The following COP1 variants were observed in gnomAD, a reference collection of about 807,000 sequenced individuals.
The protein encoded by COP1 is E3 ubiquitin-protein ligase COP1.
A neutral mutation model predicts 101.3 loss-of-function variants in COP1; 24 were observed. The ratio of observed to expected loss-of-function variants is 0.24; its 90% CI spans 0.17 to 0.33. The LOEUF (loss-of-function observed/expected upper bound fraction) is 0.33. Among genes scored for constraint, COP1 ranks in the 10% least tolerant of loss-of-function variants. The pLI, the probability that COP1 is intolerant of heterozygous loss-of-function variation, is 1.00. For synonymous variants in COP1, 347 were observed against 341.9 expected, an observed-to-expected ratio of 1.01 and a Z score of -0.17; for missense variants, 663 against 906.2, an observed-to-expected ratio of 0.73 and a Z score of 3.45.
At chr1:176,016,391 A>G (rs1571694189) in intron 15 of COP1, among the ~76,000 whole-genome samples, 1 of 152,358 alleles carries the variant, frequency 6.6e-6, no homozygotes, top group Non-Finnish European at 1.5e-5. Context: ...GTGAGTGGTC[A>G]ACAGTGTTGA....
intron 14 of COP1, among the ~76,000 whole-genome samples, chr1:176,037,509 C>CA (rs1409719756): frequency 6.8e-6 from 1 of 146,528 alleles, no homozygotes. Flanking sequence ...CGAAAAATTA[C>CA]AAAAACAGAA....
At chr1:176,143,146 A>AGAGAGAGAGAGAGAGAGAG (rs1553286862) in intron 6 of COP1, among the ~76,000 whole-genome samples, 5 of 66,562 alleles carry the variant, frequency 7.5e-5, no homozygotes, top group African/African-American at 1.9e-4. Context: ...GAGCGAGAGA[A>AGAGAGAGAGAGAGAGAGAG]AGAGAGAGAG....
intron 8 of COP1, among the ~76,000 whole-genome samples, chr1:176,117,669 C>A (rs904252651): frequency 2.0e-5 from 3 of 152,042 alleles, no homozygotes; most frequent in Admixed American, 1.3e-4. Flanking sequence ...CCAAGGCGGG[C>A]GGATCACCTG....
intron 15 of COP1, among the ~76,000 whole-genome samples, chr1:175,999,560 C>T (rs148112704): frequency 1.1e-4 from 16 of 151,986 alleles, no homozygotes; most frequent in Admixed American, 2.0e-4. Context: ...CGAACAGTGC[C>T]GCAAAAAACA....
At chr1:176,068,591 G>A (rs1393571659) in intron 11 of COP1, among the ~76,000 whole-genome samples, 1 of 152,102 alleles carries the variant, frequency 6.6e-6, no homozygotes, top group Non-Finnish European at 1.5e-5. Context: ...ATGATTAATT[G>A]AGCCTATTTC....
chr1:176,106,799 C>T (rs867686660), intron 9 of COP1, among the ~76,000 whole-genome samples: 1 of 152,178 alleles, frequency 6.6e-6, no homozygotes, highest in Admixed American at 6.5e-5. Context: ...TACTTTATCG[C>T]AATTCCTCTG....
At chr1:176,094,583 G>T (rs1390524435) in intron 9 of COP1, among the ~76,000 whole-genome samples, 1 of 148,780 alleles carries the variant, frequency 6.7e-6, no homozygotes, top group Non-Finnish European at 1.5e-5. Flanking sequence ...TGGTTCTAAA[G>T]AAAAATGATC....
intron 8 of COP1, chr1:176,133,738 CA>C (rs941600437): frequency 6.5e-5 from 24 of 370,562 alleles, no homozygotes; most frequent in Non-Finnish European, 1.1e-4. Context: ...ACAATATATA[CA>C]AAAAAAATTT....
At chr1:175,953,765 A>T (rs923543699) in intron 18 of COP1, among the ~76,000 whole-genome samples, 50 of 69,932 alleles carry the variant, frequency 7.1e-4, no homozygotes, top group Admixed American at 4.0e-3. Context: ...GTCAACTTAT[A>T]AAAAAAAAAA....
chr1:175,971,584 T>G (rs1481845866), intron 18 of COP1, among the ~76,000 whole-genome samples: 1 of 151,966 alleles, frequency 6.6e-6, no homozygotes, highest in Non-Finnish European at 1.5e-5. Flanking sequence ...CACAGACCTA[T>G]TCTGTGTACT....
intron 4 of COP1, 84 bp downstream of exon 4, chr1:176,163,731 A>G: frequency 1.2e-6 from 1 of 847,704 alleles, no homozygotes; most frequent in Non-Finnish European, 1.8e-6. Context: ...ATAATATACT[A>G]AACTTTAACA....
intron 2 of COP1, among the ~76,000 whole-genome samples, chr1:176,177,893 T>C (rs910903492): frequency 6.6e-6 from 1 of 152,204 alleles, no homozygotes; most frequent in African/African-American, 2.4e-5. Flanking sequence ...AGGAGGAAGG[T>C]GTGAAGAATC....
chr1:176,024,015 T>G (rs548305463), intron 15 of COP1, among the ~76,000 whole-genome samples: 114 of 152,206 alleles, frequency 7.5e-4, no homozygotes, highest in Middle Eastern at 3.4e-3. Context: ...CCAAGCACTT[T>G]GGGAGGCCGA....
intron 9 of COP1, among the ~76,000 whole-genome samples, chr1:176,086,488 A>C (rs1205975459): frequency 6.6e-6 from 1 of 152,110 alleles, no homozygotes; most frequent in African/African-American, 2.4e-5. Context: ...GGCCTCCCAA[A>C]GTGCTGGGAT....
At chr1:176,024,370 T>G (rs1433572555) in intron 15 of COP1, among the ~76,000 whole-genome samples, 1 of 152,154 alleles carries the variant, frequency 6.6e-6, no homozygotes, top group African/African-American at 2.4e-5. Context: ...ATTACTATAG[T>G]ATGGGACATC....
At chr1:176,023,268 G>A (rs1456124350) in intron 15 of COP1, among the ~76,000 whole-genome samples, 1 of 152,122 alleles carries the variant, frequency 6.6e-6, no homozygotes, top group East Asian at 1.9e-4. Context: ...ACTAGCAAAT[G>A]TTTAGCTACA....
chr1:176,034,344 G>A (rs1669124924), intron 14 of COP1, among the ~76,000 whole-genome samples: 1 of 152,118 alleles, frequency 6.6e-6, no homozygotes, highest in South Asian at 2.1e-4. Context: ...TTTTCCCCAT[G>A]GGTGGGCTTC....
intron 18 of COP1, among the ~76,000 whole-genome samples, chr1:175,963,142 C>G (rs1482632040): frequency 6.6e-6 from 1 of 151,924 alleles, no homozygotes; most frequent in African/African-American, 2.4e-5. Flanking sequence ...TACTTTTAAT[C>G]TCTCATTACA....
chr1:176,052,526 C>T (rs1672745362), intron 11 of COP1, among the ~76,000 whole-genome samples: 1 of 152,122 alleles, frequency 6.6e-6, no homozygotes, highest in Non-Finnish European at 1.5e-5. Context: ...ATATAATTCT[C>T]CCCATTTACT....
Sources: allele counts gnomAD v4.1 joint callset (sites outside exome capture counted in the v4.1 genomes callset), GRCh38; gene constraint gnomAD v4.1.1; transcripts MANE v1.5; gene names NCBI Gene and HGNC (gene_info 2026-07-23, HGNC 2026-07-21).